Variants in C1QTNF9B observed in about 807,000 individuals in gnomAD.
The protein encoded by C1QTNF9B is complement C1q and tumor necrosis factor-related protein 9B.
Under a neutral mutation model 10.1 loss-of-function variants are expected in C1QTNF9B, and 9 were observed. The ratio of observed to expected loss-of-function variants is 0.89; its 90% CI spans 0.53 to 1.55. The LOEUF (loss-of-function observed/expected upper bound fraction) is 1.55. Among genes scored for constraint, C1QTNF9B ranks in the 40% most tolerant of loss-of-function variants. C1QTNF9B has a pLI of 0.00. For missense variants in C1QTNF9B, 196 were observed against 414.4 expected, an observed-to-expected ratio of 0.47 and a Z score of 4.58; for synonymous variants, 79 against 159.9, an observed-to-expected ratio of 0.49 and a Z score of 3.82.
intron 2 of C1QTNF9B, 77 bp from the exon 5 acceptor site, chr13:23,892,138 G>A: frequency 6.4e-7 from 1 of 1,568,790 alleles, no homozygotes; most frequent in Non-Finnish European, 8.6e-7. Flanking sequence ...TTCTATAATT[G>A]AGCTCACAAA....
chr13:23,896,738 G>T (rs1872216118), intron 1 of C1QTNF9B, 83 bp downstream of exon 3: 1 of 1,574,638 alleles, frequency 6.4e-7, no homozygotes, highest in Admixed American at 1.7e-5. Flanking sequence ...TGGGTAGGTG[G>T]AAAACCACAC....
At position 23,894,493 on chromosome 13, in the gene C1QTNF9B, A is replaced by T. The variant is rs147067007; in HGVS notation, c.167-292T>A. On this transcript the variant is annotated intron_variant, in intron 1 of 2. Coordinates refer to ENST00000382137, the Ensembl canonical transcript of C1QTNF9B. The stretch of plus-strand genomic sequence containing the variant: ...ACAGGACGAAGAGGGAGTGTGTGCA[A>T]TGGGGACTGACTGTCACAATTGATT... The T allele has an allele frequency of 1.5e-5, 9 of 605,436 alleles. No individual in the cohort carries two copies. In the African/African-American group the frequency reaches 1.5e-4, roughly 10 times the overall value. The allele number at this position is 605,436 out of a possible 1,614,324, so 37.5% of individuals were successfully genotyped here. A position where few individuals can be genotyped will look rare whatever the true frequency, so the allele number is the denominator to read the frequency against.
rs201296401 is a variant in C1QTNF9B at position 23,895,772 on chromosome 13, C to CAT, written c.166+1048_166+1049insAT. Among the ~76,000 whole-genome samples, 1,094 of 152,086 alleles carry CAT rather than the reference C, an allele frequency of 7.2e-3. 15 individuals carry two copies. The highest frequency in any genetic ancestry group is 0.025 in the African/African-American group (1,034 of 41,472). ...ACACAGACATACACACACACACACA[C>CAT]ACACACACACACACCACTGTGGTCA... On this transcript the variant is annotated intron_variant, in intron 1 of 2. Transcript: ENST00000382137.
At chr13:23,892,101 A>T (rs1872023060) in intron 2 of C1QTNF9B, 40 bp from the exon 5 acceptor site, 2 of 1,608,082 alleles carry the variant, frequency 1.2e-6, no homozygotes, top group Non-Finnish European at 1.7e-6. Flanking sequence ...AGTTTGTGAA[A>T]GATTCCCTTG....
Position 23,896,801 on chromosome 13 carries a change from C to T in C1QTNF9B, c.166+20G>A, listed in dbSNP as rs369328529. 4.3e-6 allele frequency: 7 copies of T among 1,612,374 alleles called. No individual in the cohort carries two copies. The highest frequency in any genetic ancestry group is 2.2e-5 in the East Asian group (1 of 44,842). ...ATGAAGAGAGAAGCTCAAAGGCAGC[C>T]GAAGCCGTCAGGTGAGTACCTGCAT... On this transcript the variant is annotated intron_variant, in intron 1 of 2. Coordinates refer to ENST00000382137, the Ensembl canonical transcript of C1QTNF9B.
At chr13:23,895,279 G>A (rs907861856) in intron 1 of C1QTNF9B, among the ~76,000 whole-genome samples, 1 of 151,582 alleles carries the variant, frequency 6.6e-6, no homozygotes, top group African/African-American at 2.4e-5. Context: ...TCATGATCAC[G>A]CACCACAACT....
rs371732332 is a variant in C1QTNF9B, at chr13:23,894,163, T to C, written c.205A>G (p.Thr69Ala). The change falls in exon 2 of 3, where the codon ACG becomes GCG. Residue 69 changes from threonine to alanine, a missense_variant. Transcript: ENST00000382137. ...CCTCGTTCTCCCTTCTCTCCACTCG[T>C]CCCATCCTTCCCCGGGCTGCCAGGA... 4.2e-4 allele frequency: 649 copies of C among 1,539,504 alleles called. 22 individuals are homozygous for C. The highest frequency in any genetic ancestry group is 3.6e-4 in the Non-Finnish European group (407 of 1,116,192).
At chr13:23,891,409 C>G in exon 3 of C1QTNF9B, 1 of 1,582,054 alleles carries the variant, frequency 6.3e-7, no homozygotes, top group Non-Finnish European at 8.7e-7. Context: ...CGAGCTTCAG[C>G]TGCAGGACAA....
intron 1 of C1QTNF9B, among the ~76,000 whole-genome samples, chr13:23,895,889 C>G (rs1479460357): frequency 6.6e-6 from 1 of 152,050 alleles, no homozygotes. Context: ...CTGGAACAGT[C>G]TCAATGAGCT....
At chr13:23,893,928 G>C (rs1397365647) in intron 2 of C1QTNF9B, among the ~76,000 whole-genome samples, 8 of 152,206 alleles carry the variant, frequency 5.3e-5, no homozygotes, top group Non-Finnish European at 1.2e-4. Flanking sequence ...GGGAAGTTGA[G>C]TAGTGGTGAC....
rs183222471 is a variant in C1QTNF9B at position 23,893,089 on chromosome 13, A to C, written c.230-1028T>G. On this transcript the variant is annotated intron_variant, in intron 2 of 2. Coordinates refer to ENST00000382137, the Ensembl canonical transcript of C1QTNF9B. Reference sequence around the variant, plus strand: ...GTTGCAAGTGTGGACTCTGAGGCTAAGTGCCAGGTTTCCATTCTGTCCCCA... The same window carrying C: ...GTTGCAAGTGTGGACTCTGAGGCTACGTGCCAGGTTTCCATTCTGTCCCCA... Among the ~76,000 whole-genome samples, 4 of 152,294 alleles carry C rather than the reference A, an allele frequency of 2.6e-5. No homozygotes were observed. In the East Asian group the frequency reaches 7.7e-4, roughly 29 times the overall value.
At chr13:23,893,454 G>T (rs1593221384) in intron 2 of C1QTNF9B, among the ~76,000 whole-genome samples, 1 of 152,056 alleles carries the variant, frequency 6.6e-6, no homozygotes, top group East Asian at 1.9e-4. Flanking sequence ...AAACAAACAT[G>T]GTTGACATTT....
chr13:23,896,372 C>T (rs949711923), intron 1 of C1QTNF9B, among the ~76,000 whole-genome samples: 10 of 152,230 alleles, frequency 6.6e-5, no homozygotes, highest in Non-Finnish European at 2.9e-5. Flanking sequence ...TCTCCTGCTT[C>T]ATGACATGAT....
chr13:23,896,520 A>G (rs575293003), intron 1 of C1QTNF9B, among the ~76,000 whole-genome samples: 5 of 152,316 alleles, frequency 3.3e-5, no homozygotes, highest in Non-Finnish European at 4.4e-5. Context: ...GACATTGTAT[A>G]CTACTGAAAA....
intron 2 of C1QTNF9B, among the ~76,000 whole-genome samples, chr13:23,893,382 G>A (rs1460402065): frequency 6.6e-6 from 1 of 152,214 alleles, no homozygotes; most frequent in African/African-American, 2.4e-5. Context: ...CTCATCCACT[G>A]CAAGGTTCAA....
chr13:23,896,995 T>C lies in C1QTNF9B; in HGVS notation c.-9A>G, dbSNP rs1268557748. 5 of 1,613,670 alleles carry C rather than the reference T, an allele frequency of 3.1e-6. No individual in the cohort carries two copies. In the African/African-American group the frequency reaches 6.7e-5, roughly 22 times the overall value. On this transcript the variant is annotated 5_prime_UTR_variant, in exon 1 of 3. Coordinates refer to ENST00000382137, the Ensembl canonical transcript of C1QTNF9B. ...AGCCACCAGATCCTCATGGTTCAGA[T>C]GACAGACTGAACTGAAAGAGGGAAA...
intron 1 of C1QTNF9B, among the ~76,000 whole-genome samples, chr13:23,895,253 A>G (rs1210877251): frequency 2.0e-5 from 3 of 151,832 alleles, no homozygotes; most frequent in African/African-American, 4.8e-5. Context: ...TCTCTAGAGC[A>G]GTGGCCTCTG....
intron 2 of C1QTNF9B, among the ~76,000 whole-genome samples, chr13:23,892,514 G>T (rs1202055012): frequency 6.6e-6 from 1 of 152,124 alleles, no homozygotes; most frequent in Admixed American, 6.5e-5. Flanking sequence ...AATTAACCAG[G>T]TGCGGTGGCA....
At chr13:23,894,550 G>A (rs1593221891) in intron 1 of C1QTNF9B, 3 of 548,644 alleles carry the variant, frequency 5.5e-6, no homozygotes, top group East Asian at 4.2e-5. Flanking sequence ...GACTTGGGAC[G>A]TGGTCTGAAT....
Sources: gnomAD v4.1 joint callset for allele counts (sites outside exome capture counted in the v4.1 genomes callset) on GRCh38, gnomAD v4.1.1 for gene constraint, MANE v1.5 for transcripts, NCBI Gene and HGNC (gene_info 2026-07-23, HGNC 2026-07-21) for gene names.